Variants in PALLD observed in about 807,000 individuals in gnomAD.
PALLD encodes the protein palladin, cytoskeletal associated protein.
PALLD carries 61 observed loss-of-function variants against 123.5 expected under a neutral mutation model. That is an observed-to-expected ratio of 0.49 (90% CI 0.40 to 0.61). The LOEUF is 0.61. PALLD is among the 20% of genes least tolerant of loss of function. PALLD has a pLI of 0.00. For synonymous variants in PALLD, 465 were observed against 496.4 expected, an observed-to-expected ratio of 0.94 and a Z score of 0.84; for missense variants, 1,273 against 1,377.0, an observed-to-expected ratio of 0.92 and a Z score of 1.20.
intron 10 of PALLD, chr4:168,829,270 C>T (rs1456047091): frequency 7.1e-6 from 1 of 139,864 alleles, no homozygotes; most frequent in Non-Finnish European, 1.6e-5. Flanking sequence ...TTCCGGGCAC[C>T]TGTAGTTGGA....
At chr4:168,548,979 C>T (rs1766452562) in intron 2 of PALLD, among the ~76,000 whole-genome samples, 1 of 151,676 alleles carries the variant, frequency 6.6e-6, no homozygotes, top group Non-Finnish European at 1.5e-5. Context: ...CATGACTGTG[C>T]CACTGCAATC....
chr4:168,831,668 T>C (rs1744220027), intron 10 of PALLD, among the ~76,000 whole-genome samples: 1 of 152,146 alleles, frequency 6.6e-6, no homozygotes, highest in Non-Finnish European at 1.5e-5. Flanking sequence ...TTTTATTGCT[T>C]TCCCCTAAAA....
chr4:168,709,070 A>G lies in PALLD; in HGVS notation c.1544A>G (p.Asp515Gly). The G allele has an allele frequency of 6.2e-7, 1 of 1,610,732 alleles. No individual in the cohort carries two copies. The highest frequency in any genetic ancestry group is 8.5e-7 in the Non-Finnish European group (1 of 1,176,914). Reference protein sequence around the residue: ...TLVIAETFPEDAGIFTCSARN... With the variant: ...TLVIAETFPEGAGIFTCSARN... ...GTTATCGCTGAGACTTTCCCTGAAGATGCAGGGATCTTTACATGTTCAGCA... is the reference window on the plus strand; with the variant it reads ...GTTATCGCTGAGACTTTCCCTGAAGGTGCAGGGATCTTTACATGTTCAGCA... The change falls in exon 9 of 22, where the codon GAT becomes GGT. Residue 515 changes from aspartate to glycine, a missense_variant. Transcript: ENST00000505667.
At chr4:168,852,951 TA>T (rs1157490778) in intron 10 of PALLD, among the ~76,000 whole-genome samples, 3 of 152,246 alleles carry the variant, frequency 2.0e-5, no homozygotes, top group Non-Finnish European at 4.4e-5. Flanking sequence ...TTGTTTTTGG[TA>T]ATATTAACTC....
Position 168,512,151 on chromosome 4 carries a change from G to C in PALLD, c.647G>C (p.Ser216Thr), listed in dbSNP as rs757199423. The change falls in exon 2 of 22, where the codon AGT (serine) becomes ACT (threonine). Residue 216 changes from serine (S) to threonine (T), a missense_variant. Ser to Thr is a moderately conservative substitution (Grantham distance 58). Transcript: ENST00000505667. ...SPKNQPSALL[S>T]ASASQSPMED... Reference sequence around the variant, plus strand: ...AAAAATCAGCCGTCAGCCCTGCTGAGTGCCTCAGCCAGCCAGAGCCCTATG... The same window carrying C: ...AAAAATCAGCCGTCAGCCCTGCTGACTGCCTCAGCCAGCCAGAGCCCTATG... 2 of 1,614,180 alleles carry C rather than the reference G, an allele frequency of 1.2e-6. No individual in the cohort carries two copies. The highest frequency in any genetic ancestry group is 1.7e-6 in the Non-Finnish European group (2 of 1,180,028).
chr4:168,810,990 G>A (rs1264620002), intron 10 of PALLD, among the ~76,000 whole-genome samples: 1 of 152,114 alleles, frequency 6.6e-6, no homozygotes, highest in Non-Finnish European at 1.5e-5. Flanking sequence ...CAGAGGTTAA[G>A]GACAAAAAAA....
intron 10 of PALLD, among the ~76,000 whole-genome samples, chr4:168,841,115 C>T (rs1296770665): frequency 6.6e-6 from 1 of 152,158 alleles, no homozygotes; most frequent in Non-Finnish European, 1.5e-5. Context: ...TCCCAAAGTG[C>T]TGAGATTACA....
chr4:168,718,146 A>G (rs556160085), intron 10 of PALLD, among the ~76,000 whole-genome samples: 49 of 152,340 alleles, frequency 3.2e-4, no homozygotes, highest in African/African-American at 1.0e-3. Context: ...GGCTTTGGCA[A>G]TAGAACTTAC....
intron 1 of PALLD, among the ~76,000 whole-genome samples, chr4:168,502,592 C>A (rs891759379): frequency 6.6e-5 from 10 of 152,024 alleles, no homozygotes; most frequent in East Asian, 1.9e-4. Context: ...AGAAGAAAAA[C>A]CTAGTTTAAG....
chr4:168,567,967 T>A (rs1389408781), intron 2 of PALLD, among the ~76,000 whole-genome samples: 2 of 152,074 alleles, frequency 1.3e-5, no homozygotes, highest in African/African-American at 4.8e-5. Context: ...AAGAAGTGAT[T>A]TTAAAAAATC....
At chr4:168,514,544 TA>T (rs1762824658) in intron 2 of PALLD, among the ~76,000 whole-genome samples, 1 of 152,262 alleles carries the variant, frequency 6.6e-6, no homozygotes, top group South Asian at 2.1e-4. Flanking sequence ...ATATGTTATT[TA>T]TGTAGATTAT....
At chr4:168,788,906 C>A (rs565319826) in intron 10 of PALLD, among the ~76,000 whole-genome samples, 2 of 152,028 alleles carry the variant, frequency 1.3e-5, no homozygotes, top group Non-Finnish European at 2.9e-5. Flanking sequence ...ACATATACTA[C>A]CACCCAGATC....
chr4:168,646,048 G>A (rs1210191587), intron 2 of PALLD, among the ~76,000 whole-genome samples: 1 of 152,186 alleles, frequency 6.6e-6, no homozygotes, highest in African/African-American at 2.4e-5. Context: ...AGAAACTGGG[G>A]CAAGAAGCCA....
chr4:168,667,582 G>A (rs1429217690), intron 2 of PALLD, among the ~76,000 whole-genome samples: 1 of 152,194 alleles, frequency 6.6e-6, no homozygotes, highest in Admixed American at 6.5e-5. Flanking sequence ...GAAAGGAAAA[G>A]TGCTGACGAG....
At chr4:168,926,175 C>T (rs1323392077) in intron 21 of PALLD, 38 bp from the exon 22 acceptor site, 1 of 1,457,116 alleles carries the variant, frequency 6.9e-7, no homozygotes, top group South Asian at 1.4e-5. Flanking sequence ...CCAAGTATAT[C>T]TTGATTAAAA....
intron 10 of PALLD, among the ~76,000 whole-genome samples, chr4:168,847,963 A>G (rs1747135160): frequency 6.6e-6 from 1 of 152,190 alleles, no homozygotes; most frequent in Non-Finnish European, 1.5e-5. Context: ...CTATTTCCCA[A>G]TCAGTATTAT....
rs1765843064 is a variant in PALLD at position 168,543,478 on chromosome 4, C to T, written c.908+31066C>T. Among the ~76,000 whole-genome samples the T allele has an allele frequency of 2.6e-5, 4 of 151,864 alleles. No individual in the cohort carries two copies. The South Asian group carries it at 8.3e-4, about 32-fold the overall frequency. ...TCTCTGTAAGTTTTCCTCTATTCTGCCTCCGCCACAGTTGTAAGAGAGAGA... is the reference window on the plus strand; with the variant it reads ...TCTCTGTAAGTTTTCCTCTATTCTGTCTCCGCCACAGTTGTAAGAGAGAGA... On this transcript the variant is annotated intron_variant, in intron 2 of 21. Transcript: ENST00000505667.
Position 168,838,698 on chromosome 4 carries a change from T to C in PALLD, c.1965-52224T>C, listed in dbSNP as rs10034506. Among the ~76,000 whole-genome samples the C allele has an allele frequency of 2.9e-5, 4 of 139,828 alleles. No individual in the cohort carries two copies. In the East Asian group the frequency reaches 8.9e-4, roughly 31 times the overall value. The allele number at this position is 139,828 out of a possible 152,430, so 91.7% of individuals were successfully genotyped here. On this transcript the variant is annotated intron_variant, in intron 10 of 21. Transcript: ENST00000505667. ...TTTTTTTTTTTTTTTTTTTTTGCTG[T>C]GTCATTTACTTGGAGCAGAGTCCTG...
intron 1 of PALLD, among the ~76,000 whole-genome samples, chr4:168,500,691 T>G (rs1339621663): frequency 6.6e-6 from 1 of 152,150 alleles, no homozygotes; most frequent in Non-Finnish European, 1.5e-5. Context: ...TAAATATTTC[T>G]TAACTGACAA....
Sources: allele counts gnomAD v4.1 joint callset (sites outside exome capture counted in the v4.1 genomes callset), GRCh38; gene constraint gnomAD v4.1.1; transcripts MANE v1.5; gene names NCBI Gene and HGNC (gene_info 2026-07-23, HGNC 2026-07-21).